SMG5: variants seen among roughly 807,000 people sequenced by gnomAD.
SMG5 encodes SMG5 nonsense mediated mRNA decay factor.
SMG5 carries 53 observed loss-of-function variants against 122.9 expected under a neutral mutation model. That is an observed-to-expected ratio of 0.43 (90% CI 0.35 to 0.54). The LOEUF (loss-of-function observed/expected upper bound fraction) is 0.54. SMG5 is among the 20% of genes least tolerant of loss of function. The probability of loss-of-function intolerance (pLI) is 0.01; values close to 1 mark genes in which losing one functional copy is unlikely to be tolerated. For missense variants in SMG5, 1,153 were observed against 1,285.6 expected (o/e 0.90, Z 1.58); for synonymous variants, 477 against 490.2 (o/e 0.97, Z 0.35).
chr1:156,277,156 T>C lies in SMG5; in HGVS notation c.383A>G (p.Tyr128Cys), dbSNP rs777568675. 1.9e-6 allele frequency: 3 copies of C among 1,613,896 alleles called. No individual in the cohort carries two copies. Among genetic ancestry groups the C allele is most frequent in the Admixed American group, 1.7e-5 (1 of 60,002 alleles). Reference protein sequence around the residue: ...GIGFYQHLLLYIQSHYQLELQ... With the variant: ...GIGFYQHLLLCIQSHYQLELQ... ...TTCCAGCTGGTAGTGGGACTGGATA[T>C]AGAGAAGGAGATGCTGGTAGAAGCC... is the stretch of plus-strand genomic sequence containing the variant. The change falls in exon 4 of 22, where the codon TAT becomes TGT. Residue 128 changes from tyrosine to cysteine, a missense_variant. This residue lies in a region of SMG5 where 213 missense variants were observed against 197.5 expected (regional missense o/e 1.08). Transcript: ENST00000361813.
intron 13 of SMG5, among the ~76,000 whole-genome samples, chr1:156,262,310 C>T (rs1168075149): frequency 6.6e-6 from 1 of 151,762 alleles, no homozygotes; most frequent in Non-Finnish European, 1.5e-5. Flanking sequence ...GAAACGCCGT[C>T]TCTACTAAAA....
intron 1 of SMG5, among the ~76,000 whole-genome samples, chr1:156,281,462 G>T (rs1662935730): frequency 6.6e-6 from 1 of 152,202 alleles, no homozygotes; most frequent in African/African-American, 2.4e-5. Flanking sequence ...GACTGCTTGG[G>T]GCAGCCCATA....
chr1:156,287,387 G>T (rs1373427776), upstream of SMG5, among the ~76,000 whole-genome samples: 2 of 152,140 alleles, frequency 1.3e-5, no homozygotes, highest in Non-Finnish European at 2.9e-5. Flanking sequence ...TTGCACTCCA[G>T]CCTGGGTGAC....
chr1:156,259,789 A>C (rs2287027), intron 15 of SMG5, among the ~76,000 whole-genome samples: 110,453 of 152,088 alleles, frequency 0.73, 40,394 homozygotes, highest in Admixed American at 0.81. Context: ...CTTGGCCCCC[A>C]ACCAAGTGCT....
At chr1:156,289,535 C>T in the SMG5 span, among the ~76,000 whole-genome samples, 2 of 152,198 alleles carry the variant, frequency 1.3e-5, no homozygotes, top group African/African-American at 4.8e-5. Flanking sequence ...TGGCGTGAAC[C>T]TGGGAGGCGG....
chr1:156,253,428 A>C (rs1661441538), intron 17 of SMG5, 21 bp downstream of exon 17: 7 of 1,613,446 alleles, frequency 4.3e-6, no homozygotes, highest in Non-Finnish European at 5.9e-6. Context: ...CAGAAGAAGC[A>C]CTTGGGTCCT....
chr1:156,291,510 A>T, the SMG5 span: 2 of 1,609,806 alleles, frequency 1.2e-6, no homozygotes, highest in Non-Finnish European at 1.7e-6. Context: ...GTGGAGCCGG[A>T]GCGCATGCTC....
intron 12 of SMG5, among the ~76,000 whole-genome samples, chr1:156,265,036 T>TACACACACACAC (rs35457785): frequency 0.016 from 1,919 of 122,772 alleles, 56 homozygotes; most frequent in African/African-American, 0.034. Context: ...AAAAAAAAAA[T>TACACACACACAC]ACACACACAC....
upstream of SMG5, chr1:156,286,236 A>C: frequency 6.2e-7 from 1 of 1,611,046 alleles, no homozygotes. Context: ...TTCTGACCCT[A>C]CCCTGTTTCC....
intron 7 of SMG5, among the ~76,000 whole-genome samples, chr1:156,271,522 G>A (rs561574282): frequency 6.7e-5 from 10 of 149,840 alleles, no homozygotes; most frequent in South Asian, 2.1e-4. Context: ...CTTGTATGGC[G>A]ACTCAATACC....
chr1:156,265,821 C>T lies in SMG5; in HGVS notation c.1815G>A (p.Arg605=). 1 of 1,614,052 alleles carries T rather than the reference C, an allele frequency of 6.2e-7. No individual in the cohort carries two copies. The highest frequency in any genetic ancestry group is 8.5e-7 in the Non-Finnish European group (1 of 1,179,982). The change falls in exon 12 of 22, where the codon AGG becomes AGA. Residue 605 remains arginine, a synonymous_variant. Transcript: ENST00000361813. The part of the protein sequence containing the change: ...TTNPHTSASH[R]PCVNGDVDKP... The stretch of plus-strand genomic sequence containing the variant: ...TGTCTACATCCCCATTGACGCAAGG[C>T]CTGTGGCTGGCCGAGGTATGAGGGT...
intron 6 of SMG5, 48 bp downstream of exon 6, chr1:156,273,313 C>G: frequency 6.6e-7 from 1 of 1,519,268 alleles, no homozygotes; most frequent in Non-Finnish European, 9.1e-7. Context: ...ATCGTCTTCC[C>G]TAGGAAAACC....
Position 156,249,957 on chromosome 1 carries a change from G to A in SMG5, c.*630C>T, listed in dbSNP as rs961489332. On this transcript the variant is annotated 3_prime_UTR_variant, in exon 22 of 22. Coordinates refer to ENST00000361813, the MANE Select transcript of SMG5 (RefSeq NM_015327.3). ...TGGGGCAATGGGATGTGCAGCCCCT[G>A]CAGCAGGAGGAGGAGCACACGAACC... is the stretch of plus-strand genomic sequence containing the variant. The A allele has an allele frequency of 7.9e-5, 37 of 470,832 alleles. No individual in the cohort carries two copies. Among genetic ancestry groups the A allele is most frequent in the African/African-American group, 6.6e-4 (33 of 50,080 alleles). 29.2% of individuals were successfully genotyped at this position (470,832 alleles called of 1,614,324 possible).
rs377152038 is a variant in SMG5 at position 156,260,523 on chromosome 1, C to A, written c.2211G>T (p.Leu737=). 13 of 1,584,334 alleles carry A rather than the reference C, an allele frequency of 8.2e-6. No homozygotes were observed. The highest frequency in any genetic ancestry group is 1.1e-5 in the Non-Finnish European group (13 of 1,169,534). The change falls in exon 15 of 22, where the codon CTG becomes CTT. Residue 737 remains leucine (L), a synonymous_variant. Transcript: ENST00000361813. ...LLPEDMALRN[L]PPLRAAHRRF... The stretch of plus-strand genomic sequence containing the variant: ...GTCTGTGGGCAGCTCGGAGCGGGGG[C>A]AGGTTACGAAGAGCCATGTCCTCTG...
chr1:156,263,303 G>T, intron 13 of SMG5, 92 bp downstream of exon 13: 1 of 1,391,958 alleles, frequency 7.2e-7, no homozygotes, highest in Non-Finnish European at 9.8e-7. Context: ...TCTTGCCTTG[G>T]CCATCAGGGG....
At chr1:156,251,525 G>A (rs754777740) in intron 19 of SMG5, 48 bp from the exon 20 acceptor site, 8 of 1,597,336 alleles carry the variant, frequency 5.0e-6, no homozygotes, top group Non-Finnish European at 6.9e-6. Flanking sequence ...AGACTGGCAG[G>A]GTGCCTTACA....
intron 13 of SMG5, among the ~76,000 whole-genome samples, chr1:156,261,854 C>T (rs1296688515): frequency 7.1e-6 from 1 of 141,598 alleles, no homozygotes; most frequent in African/African-American, 2.7e-5. Context: ...TGTGCCATTG[C>T]ACTCCAGCCT....
intron 13 of SMG5, among the ~76,000 whole-genome samples, chr1:156,263,042 C>T (rs914947685): frequency 2.6e-5 from 4 of 152,194 alleles, no homozygotes; most frequent in African/African-American, 4.8e-5. Context: ...TGTCACTATC[C>T]TCTACTCAAT....
At chr1:156,275,374 TCA>T (rs901824098) in intron 4 of SMG5, among the ~76,000 whole-genome samples, 1 of 152,222 alleles carries the variant, frequency 6.6e-6, no homozygotes, top group Non-Finnish European at 1.5e-5. Flanking sequence ...CCTGGTAACT[TCA>T]GAGAGCTTGA....
Sources: allele counts gnomAD v4.1 joint callset (sites outside exome capture counted in the v4.1 genomes callset), GRCh38; gene constraint gnomAD v4.1.1; regional missense constraint gnomAD v4.1.1; transcripts MANE v1.5; gene names NCBI Gene and HGNC (gene_info 2026-07-23, HGNC 2026-07-21).